The following XPR1 variants were observed in gnomAD, a reference collection of about 807,000 sequenced individuals.
The protein encoded by XPR1 is xenotropic and polytropic retrovirus receptor 1.
XPR1 carries 28 observed loss-of-function variants against 87.5 expected under a neutral mutation model. The ratio of observed to expected loss-of-function variants is 0.32; its 90% confidence interval spans 0.24 to 0.44. XPR1 has a LOEUF of 0.44. XPR1 is among the 20% of genes least tolerant of loss of function. The pLI, the probability that XPR1 is intolerant of heterozygous loss-of-function variation, is 1.00. For missense variants in XPR1, 559 were observed against 862.3 expected (o/e 0.65, Z 4.41); for synonymous variants, 300 against 306.1 (o/e 0.98, Z 0.21).
chr1:180,818,685 A>G (rs1279109403), intron 7 of XPR1, among the ~76,000 whole-genome samples: 1 of 152,120 alleles, frequency 6.6e-6, no homozygotes, highest in Non-Finnish European at 1.5e-5. Context: ...GATCAGAGAG[A>G]TGATATACTT....
At chr1:180,649,372 A>C (rs535430427) in intron 1 of XPR1, among the ~76,000 whole-genome samples, 1 of 152,152 alleles carries the variant, frequency 6.6e-6, no homozygotes, top group Non-Finnish European at 1.5e-5. Context: ...CGGAGCTTGC[A>C]GTGAGCCAAG....
rs552061178 is a variant in XPR1, at chr1:180,713,546, G to A, written c.121+31135G>A. 4.0e-4 allele frequency among the ~76,000 whole-genome samples: 61 copies of A among 152,314 alleles called. 1 individual carries two copies. In the South Asian group the frequency reaches 0.013, roughly 32 times the overall value. On this transcript the variant is annotated intron_variant, in intron 2 of 14. Coordinates refer to ENST00000367590, the MANE Select transcript of XPR1 (RefSeq NM_004736.4). ...GCAATGTTGGGTAGAAGTGGTGTGA[G>A]TGGGCATCCCTTGTTTGCTGAGAGT...
At position 180,632,064 on chromosome 1, in the gene XPR1, G is replaced by A. The variant is rs928574416; in HGVS notation, c.-138G>A. On this transcript the variant is annotated 5_prime_UTR_variant, in exon 1 of 15. Transcript: ENST00000367590. Reference sequence around the variant, plus strand: ...GATGGCGGGCGGGCTGCTCTGAAGAGACCTCGGCGGCGGCGGAGGAGGAGA... The same window carrying A: ...GATGGCGGGCGGGCTGCTCTGAAGAAACCTCGGCGGCGGCGGAGGAGGAGA... The A allele has an allele frequency of 9.2e-6, 9 of 977,298 alleles. No homozygotes were observed. Among genetic ancestry groups the A allele is most frequent in the African/African-American group, 1.6e-5 (1 of 61,930 alleles). 60.5% of individuals were successfully genotyped at this position (977,298 alleles called of 1,614,324 possible).
intron 10 of XPR1, among the ~76,000 whole-genome samples, chr1:180,835,496 A>AC (rs111339401): frequency 6.2e-4 from 94 of 150,406 alleles, no homozygotes; most frequent in East Asian, 2.3e-3. Context: ...CCGTTTTCGC[A>AC]CCCCCCCCTT....
intron 6 of XPR1, among the ~76,000 whole-genome samples, chr1:180,807,338 T>C (rs1650037001): frequency 6.6e-6 from 1 of 152,240 alleles, no homozygotes; most frequent in South Asian, 2.1e-4. Context: ...GAATAGCTAC[T>C]ATAACTAACA....
rs1012389817 is a variant in XPR1 at position 180,632,327 on chromosome 1, T to G, written c.69+57T>G. On this transcript the variant is annotated intron_variant, in intron 1 of 14. Coordinates refer to ENST00000367590, the MANE Select transcript of XPR1 (RefSeq NM_004736.4). ...GGAGGGGCCACCATCTCGCCAGTCC[T>G]GACGTCCACCGCCGCCTTCCGCTTC... 5 of 1,566,928 alleles carry G rather than the reference T, an allele frequency of 3.2e-6. No individual in the cohort carries two copies. In the East Asian group the frequency reaches 9.4e-5, roughly 30 times the overall value.
At chr1:180,875,326 A>G (rs1460866403) in intron 13 of XPR1, among the ~76,000 whole-genome samples, 1 of 152,010 alleles carries the variant, frequency 6.6e-6, no homozygotes, top group African/African-American at 2.4e-5. Flanking sequence ...CCTGGGCAAC[A>G]TGGCAAAACA....
At chr1:180,725,993 C>G (rs1658323128) in intron 2 of XPR1, among the ~76,000 whole-genome samples, 1 of 152,168 alleles carries the variant, frequency 6.6e-6, no homozygotes, top group Non-Finnish European at 1.5e-5. Context: ...ATAAAGTACT[C>G]AAATGTTAGT....
At chr1:180,721,315 CAT>C (rs1250596112) in intron 2 of XPR1, among the ~76,000 whole-genome samples, 2 of 151,642 alleles carry the variant, frequency 1.3e-5, no homozygotes, top group African/African-American at 2.4e-5. Context: ...ATAAATTTAT[CAT>C]ATCATTTTTT....
intron 2 of XPR1, among the ~76,000 whole-genome samples, chr1:180,741,068 T>C (rs1658905974): frequency 6.6e-6 from 1 of 152,230 alleles, no homozygotes; most frequent in East Asian, 1.9e-4. Context: ...ACACATTCAA[T>C]CTATAATACC....
chr1:180,641,272 A>C (rs1312998744), intron 1 of XPR1, among the ~76,000 whole-genome samples: 1 of 152,202 alleles, frequency 6.6e-6, no homozygotes, highest in East Asian at 1.9e-4. Context: ...GCACATAGTA[A>C]CAGCAATAAA....
At chr1:180,866,797 A>T (rs202112007) in intron 12 of XPR1, among the ~76,000 whole-genome samples, 3,393 of 136,360 alleles carry the variant, frequency 0.025, 134 homozygotes, top group African/African-American at 0.085. Context: ...ATATTAGTTT[A>T]TTTTTTTTTT....
intron 2 of XPR1, among the ~76,000 whole-genome samples, chr1:180,730,809 T>A (rs935379656): frequency 6.6e-6 from 1 of 150,688 alleles, no homozygotes; most frequent in Admixed American, 6.6e-5. Flanking sequence ...ACCATAAGTG[T>A]TCACCACCAT....
Position 180,671,817 on chromosome 1 carries a change from T to TTTTG in XPR1, c.70-10527_70-10524dup, listed in dbSNP as rs202182122. Reference sequence around the variant, plus strand: ...TGTGAGTCACCGCACACAGCCAACTTTTTGTTTGTTTGTTTGTTTAAAGAG... The same window carrying TTTTG: ...TGTGAGTCACCGCACACAGCCAACTTTTTGTTTGTTTGTTTGTTTGTTTAAAGAG... On this transcript the variant is annotated intron_variant, in intron 1 of 14. Transcript: ENST00000367590. 7.0e-4 allele frequency among the ~76,000 whole-genome samples: 106 copies of TTTTG among 152,158 alleles called. 1 individual carries two copies. The highest frequency in any genetic ancestry group is 1.2e-3 in the South Asian group (6 of 4,820).
intron 2 of XPR1, among the ~76,000 whole-genome samples, chr1:180,705,179 G>GA (rs1462675568): frequency 6.6e-6 from 1 of 151,942 alleles, no homozygotes; most frequent in Non-Finnish European, 1.5e-5. Context: ...GGGGGTGGGG[G>GA]ATCTACCTGT....
intron 12 of XPR1, among the ~76,000 whole-genome samples, chr1:180,872,638 G>C (rs1399308200): frequency 1.5e-5 from 2 of 130,154 alleles, no homozygotes; most frequent in Non-Finnish European, 3.2e-5. Context: ...GACCCCTTGC[G>C]CTTCCCAGGT....
intron 4 of XPR1, among the ~76,000 whole-genome samples, chr1:180,803,933 C>T (rs959385514): frequency 1.3e-5 from 2 of 151,966 alleles, no homozygotes; most frequent in Non-Finnish European, 2.9e-5. Context: ...AGAAATAATA[C>T]ATCTCTCCAG....
intron 1 of XPR1, among the ~76,000 whole-genome samples, chr1:180,676,456 C>A (rs909034388): frequency 3.3e-5 from 5 of 152,146 alleles, no homozygotes; most frequent in African/African-American, 4.8e-5. Flanking sequence ...TTTCTCGTTA[C>A]ATTTTTCTGG....
chr1:180,711,207 A>G (rs148336619), intron 2 of XPR1, among the ~76,000 whole-genome samples: 1,096 of 117,650 alleles, frequency 9.3e-3, no homozygotes, highest in South Asian at 0.015. Context: ...CTTCCCAGAC[A>G]GGGTGGCGGC....
Sources: allele counts gnomAD v4.1 joint callset (sites outside exome capture counted in the v4.1 genomes callset), GRCh38; gene constraint gnomAD v4.1.1; transcripts MANE v1.5; gene names NCBI Gene and HGNC (gene_info 2026-07-23, HGNC 2026-07-21).